The following ROBO2 variants were observed in gnomAD, a reference collection of about 807,000 sequenced individuals.
ROBO2 encodes roundabout homolog 2.
A neutral mutation model predicts 160.8 loss-of-function variants in ROBO2; 53 were observed. The ratio of observed to expected loss-of-function variants is 0.33; its 90% CI spans 0.26 to 0.41. ROBO2 has a LOEUF of 0.41. Ranked by LOEUF, ROBO2 falls within the 10% of genes least tolerant of loss-of-function variation. ROBO2 has a pLI of 1.00. For synonymous variants in ROBO2, 664 were observed against 611.7 expected (o/e 1.09, Z -1.26); for missense variants, 1,577 against 1,722.4 (o/e 0.92, Z 1.49).
At chr3:76,158,053 G>T (rs1013994106) in intron 2 of ROBO2, among the ~76,000 whole-genome samples, 2 of 152,090 alleles carry the variant, frequency 1.3e-5, no homozygotes, top group African/African-American at 4.8e-5. Flanking sequence ...TCAGGAAGTT[G>T]GGAACCAATG....
rs184391505 is a variant in ROBO2 at position 77,329,978 on chromosome 3, A to G, written c.389-147436A>G. Among the ~76,000 whole-genome samples the G allele has an allele frequency of 1.7e-3, 261 of 152,322 alleles. 3 individuals carry two copies. The highest frequency in any genetic ancestry group is 5.1e-3 in the African/African-American group (210 of 41,576). ...GATGGAAGCTCAATAAAGCCAAAAA[A>G]CATGAACTTCACCATTAGACAGACT... On this transcript the variant is annotated intron_variant, in intron 2 of 25. Coordinates refer to ENST00000461745, the Ensembl canonical transcript of ROBO2.
chr3:76,640,590 CGTGTGAGT>C (rs778962866), intron 2 of ROBO2, among the ~76,000 whole-genome samples: 6,012 of 38,166 alleles, frequency 0.16, 233 homozygotes, highest in East Asian at 0.41. Flanking sequence ...TGCGTGTTTG[CGTGTGAGT>C]GTGTGTGTGT....
intron 2 of ROBO2, among the ~76,000 whole-genome samples, chr3:76,552,210 T>C (rs1014868608): frequency 1.1e-4 from 17 of 152,206 alleles, no homozygotes; most frequent in Admixed American, 3.3e-4. Context: ...TACACATAGG[T>C]TATATGTAAA....
At position 77,220,809 on chromosome 3, in the gene ROBO2, A is replaced by G. The variant is rs72893244; in HGVS notation, c.388+122469A>G. ...ACTTTCAGTCCTACGCAGCAAAGTT[A>G]CCCATTCATCTTTTTGAAAAAAAGA... On this transcript the variant is annotated intron_variant, in intron 2 of 25. Coordinates refer to ENST00000461745, the Ensembl canonical transcript of ROBO2. Among the ~76,000 whole-genome samples, 1,097 of 152,222 alleles carry G rather than the reference A, an allele frequency of 7.2e-3. 13 individuals are homozygous for G. Among genetic ancestry groups the G allele is most frequent in the African/African-American group, 0.024 (1,005 of 41,548 alleles).
At chr3:75,922,350 G>A (rs1173391195) in intron 1 of ROBO2, among the ~76,000 whole-genome samples, 1 of 151,966 alleles carries the variant, frequency 6.6e-6, no homozygotes, top group Non-Finnish European at 1.5e-5. Flanking sequence ...TCTAAACGTA[G>A]CCCTAACCAA....
intron 2 of ROBO2, among the ~76,000 whole-genome samples, chr3:76,695,133 C>A (rs1045371199): frequency 6.6e-6 from 1 of 152,032 alleles, no homozygotes; most frequent in African/African-American, 2.4e-5. Flanking sequence ...ACACAAAAAA[C>A]TTATTTTTTT....
At chr3:76,351,879 A>G (rs1353864440) in intron 2 of ROBO2, among the ~76,000 whole-genome samples, 1 of 151,970 alleles carries the variant, frequency 6.6e-6, no homozygotes, top group Admixed American at 6.6e-5. Context: ...ACCCTATAGT[A>G]TTGTTGTGAA....
chr3:76,445,305 C>G (rs915016805), intron 2 of ROBO2, among the ~76,000 whole-genome samples: 1 of 152,090 alleles, frequency 6.6e-6, no homozygotes, highest in South Asian at 2.1e-4. Context: ...TGTGTATTTT[C>G]TAACTTCAAA....
intron 2 of ROBO2, among the ~76,000 whole-genome samples, chr3:77,136,856 C>T (rs1472877231): frequency 1.3e-5 from 2 of 152,076 alleles, no homozygotes; most frequent in Admixed American, 1.3e-4. Flanking sequence ...AGGATGGTCT[C>T]GATCTCCTGA....
chr3:76,150,724 A>T (rs1045104294), intron 2 of ROBO2, among the ~76,000 whole-genome samples: 5 of 151,606 alleles, frequency 3.3e-5, no homozygotes, highest in Non-Finnish European at 7.4e-5. Context: ...CCCCAATCAC[A>T]CTCTGATCTT....
intron 2 of ROBO2, among the ~76,000 whole-genome samples, chr3:76,040,963 T>C (rs1559859419): frequency 6.6e-6 from 1 of 152,044 alleles, no homozygotes; most frequent in Non-Finnish European, 1.5e-5. Context: ...CTCTTCAGCC[T>C]GGGTGACAGA....
chr3:77,079,410 C>T (rs1016733026), intron 1 of ROBO2, among the ~76,000 whole-genome samples: 3 of 152,182 alleles, frequency 2.0e-5, no homozygotes, highest in Admixed American at 1.3e-4. Context: ...GCTAGCCTTC[C>T]GGGTTTTTCC....
At chr3:76,086,417 C>G (rs751108942) in intron 2 of ROBO2, among the ~76,000 whole-genome samples, 8 of 152,082 alleles carry the variant, frequency 5.3e-5, no homozygotes, top group African/African-American at 1.7e-4. Flanking sequence ...GGTGGGGACA[C>G]AGCCAAACCA....
chr3:76,787,435 T>C (rs2063064942), intron 2 of ROBO2, among the ~76,000 whole-genome samples: 1 of 151,042 alleles, frequency 6.6e-6, no homozygotes, highest in Admixed American at 6.6e-5. Flanking sequence ...TAGTTGTTCC[T>C]ACCTTAGTAT....
intron 2 of ROBO2, among the ~76,000 whole-genome samples, chr3:77,369,447 C>T (rs76005171): frequency 6.6e-6 from 1 of 152,288 alleles, no homozygotes; most frequent in East Asian, 1.9e-4. Flanking sequence ...ATGACAGTCT[C>T]TTGGAAACCA....
At chr3:76,384,106 C>T (rs1237291875) in intron 2 of ROBO2, among the ~76,000 whole-genome samples, 1 of 152,222 alleles carries the variant, frequency 6.6e-6, no homozygotes, top group Non-Finnish European at 1.5e-5. Flanking sequence ...TAATCAAGGG[C>T]ATATCAACGC....
intron 20 of ROBO2, among the ~76,000 whole-genome samples, chr3:77,606,567 T>C (rs1321398828): frequency 6.6e-6 from 1 of 152,196 alleles, no homozygotes; most frequent in Non-Finnish European, 1.5e-5. Flanking sequence ...GCATGCTATG[T>C]GGAAAACACA....
intron 22 of ROBO2, among the ~76,000 whole-genome samples, chr3:77,621,347 G>A (rs560098871): frequency 6.6e-6 from 1 of 152,014 alleles, no homozygotes; most frequent in Non-Finnish European, 1.5e-5. Context: ...GATCGCTTAC[G>A]CCTGGGAAGT....
chr3:76,267,299 T>C (rs1342826519), intron 2 of ROBO2, among the ~76,000 whole-genome samples: 2 of 152,190 alleles, frequency 1.3e-5, no homozygotes, highest in African/African-American at 4.8e-5. Flanking sequence ...CTTTTATAAA[T>C]TCAATGTGTG....
Sources: gnomAD v4.1 joint callset for allele counts (sites outside exome capture counted in the v4.1 genomes callset) on GRCh38, gnomAD v4.1.1 for gene constraint, MANE v1.5 for transcripts, NCBI Gene and HGNC (gene_info 2026-07-23, HGNC 2026-07-21) for gene names.